The following DNAJC1 variants were observed in gnomAD, a reference collection of about 807,000 sequenced individuals.
DNAJC1 encodes dnaJ homolog subfamily C member 1.
DNAJC1 carries 58 observed loss-of-function variants against 76.6 expected under a neutral mutation model. The ratio of observed to expected loss-of-function variants is 0.76; its 90% confidence interval spans 0.61 to 0.94. DNAJC1 has a LOEUF of 0.94. DNAJC1 is among the 40% of genes least tolerant of loss of function. DNAJC1 has a pLI of 0.00. For missense variants in DNAJC1, 689 were observed against 677.3 expected, an observed-to-expected ratio of 1.02 and a Z score of -0.19; for synonymous variants, 258 against 267.9, an observed-to-expected ratio of 0.96 and a Z score of 0.36.
intron 8 of DNAJC1, among the ~76,000 whole-genome samples, chr10:21,844,376 G>A (rs980978390): frequency 2.6e-5 from 4 of 151,846 alleles, no homozygotes; most frequent in African/African-American, 9.7e-5. Flanking sequence ...CAAAATGTTG[G>A]GATTACAGGC....
chr10:21,868,982 G>A, intron 8 of DNAJC1, among the ~76,000 whole-genome samples: 1 of 152,080 alleles, frequency 6.6e-6, no homozygotes, highest in South Asian at 2.1e-4. Context: ...AAGGAACAGG[G>A]CTTAAAGGAA....
Position 21,756,671 on chromosome 10 carries a change from T to C in DNAJC1, c.*16A>G. 6.2e-7 allele frequency: 1 copy of C among 1,600,362 alleles called. No individual in the cohort carries two copies. The highest frequency in any genetic ancestry group is 1.1e-5 in the South Asian group (1 of 90,732). ...TCATTTTGGAAAATGAAGGTGAACA[T>C]CATCTCCCAGAATATTCAGCTTTTA... On this transcript the variant is annotated 3_prime_UTR_variant, in exon 12 of 12. Coordinates refer to ENST00000376980, the MANE Select transcript of DNAJC1 (RefSeq NM_022365.4).
intron 9 of DNAJC1, among the ~76,000 whole-genome samples, chr10:21,771,616 G>C (rs955512771): frequency 6.6e-6 from 1 of 152,090 alleles, no homozygotes; most frequent in Admixed American, 6.5e-5. Flanking sequence ...TCCTGCCTCA[G>C]CCTCCCGAGT....
At chr10:21,838,541 A>C (rs1357859395) in intron 8 of DNAJC1, among the ~76,000 whole-genome samples, 1 of 152,160 alleles carries the variant, frequency 6.6e-6, no homozygotes. Flanking sequence ...TCACTTGTTT[A>C]TCTGCTGACC....
At chr10:21,978,196 T>C (rs926579076) in intron 1 of DNAJC1, among the ~76,000 whole-genome samples, 1 of 152,152 alleles carries the variant, frequency 6.6e-6, no homozygotes, top group African/African-American at 2.4e-5. Context: ...AAAGTACTTA[T>C]GAACATAAAA....
intron 6 of DNAJC1, among the ~76,000 whole-genome samples, chr10:21,914,458 T>A (rs1836919735): frequency 6.6e-6 from 1 of 152,232 alleles, no homozygotes; most frequent in African/African-American, 2.4e-5. Flanking sequence ...TTATGTACTT[T>A]ATTTCTACCA....
chr10:21,919,700 AT>A, intron 5 of DNAJC1, 131 bp downstream of exon 5: 1 of 570,010 alleles, frequency 1.8e-6, no homozygotes, highest in Non-Finnish European at 2.9e-6. Flanking sequence ...ATGGCACATT[AT>A]TAGTCTTTTA....
intron 9 of DNAJC1, among the ~76,000 whole-genome samples, chr10:21,794,013 G>A (rs1034529036): frequency 6.6e-5 from 10 of 152,008 alleles, no homozygotes; most frequent in Admixed American, 2.0e-4. Flanking sequence ...GGTGGCTCAC[G>A]CCTGTAATCC....
intron 1 of DNAJC1, among the ~76,000 whole-genome samples, chr10:21,960,574 C>T (rs1354744530): frequency 6.6e-6 from 1 of 152,110 alleles, no homozygotes; most frequent in Non-Finnish European, 1.5e-5. Context: ...ATTAGCCAAG[C>T]ATGGTACTTG....
chr10:21,975,170 G>A (rs145675384), intron 1 of DNAJC1, among the ~76,000 whole-genome samples: 1 of 152,098 alleles, frequency 6.6e-6, no homozygotes, highest in African/African-American at 2.4e-5. Flanking sequence ...CTTTAAAATA[G>A]TTATTTGAAA....
At chr10:21,847,893 C>T (rs983326871) in intron 8 of DNAJC1, among the ~76,000 whole-genome samples, 2 of 152,066 alleles carry the variant, frequency 1.3e-5, no homozygotes, top group Admixed American at 1.3e-4. Flanking sequence ...GTTATCTTGG[C>T]TATTGTGAAT....
chr10:21,767,792 TCGAGAC>T (rs1428346293), intron 9 of DNAJC1, among the ~76,000 whole-genome samples: 1 of 152,062 alleles, frequency 6.6e-6, no homozygotes, highest in Non-Finnish European at 1.5e-5. Flanking sequence ...GGTCAGGAGT[TCGAGAC>T]CAGCCTGGTC....
At chr10:21,915,809 C>T (rs1836943318) in intron 6 of DNAJC1, among the ~76,000 whole-genome samples, 1 of 150,352 alleles carries the variant, frequency 6.7e-6, no homozygotes, top group Admixed American at 6.6e-5. Flanking sequence ...GTTAAAAATG[C>T]TGTTTTAATG....
At chr10:21,964,743 T>C (rs577295787) in intron 1 of DNAJC1, among the ~76,000 whole-genome samples, 28 of 152,064 alleles carry the variant, frequency 1.8e-4, no homozygotes, top group African/African-American at 6.3e-4. Flanking sequence ...TTTGTTGTTT[T>C]TCAGGAACTG....
intron 10 of DNAJC1, among the ~76,000 whole-genome samples, chr10:21,765,261 T>A (rs1316515971): frequency 6.6e-6 from 1 of 151,882 alleles, no homozygotes; most frequent in East Asian, 1.9e-4. Context: ...AAATGGGGGG[T>A]CTCACTATGT....
chr10:21,781,538 G>A (rs1183422888), intron 9 of DNAJC1, among the ~76,000 whole-genome samples: 4 of 151,818 alleles, frequency 2.6e-5, no homozygotes, highest in East Asian at 1.9e-4. Context: ...TGGCTAACAC[G>A]GTGAAACCCC....
chr10:21,766,577 A>G (rs1250025987), intron 9 of DNAJC1, among the ~76,000 whole-genome samples: 1 of 152,132 alleles, frequency 6.6e-6, no homozygotes, highest in Non-Finnish European at 1.5e-5. Context: ...TAGTTCAATG[A>G]CAGTTCCGTT....
At chr10:21,956,082 C>A (rs1407488752) in intron 1 of DNAJC1, among the ~76,000 whole-genome samples, 1 of 152,198 alleles carries the variant, frequency 6.6e-6, no homozygotes, top group Non-Finnish European at 1.5e-5. Flanking sequence ...TTATTTCTTA[C>A]AGCTCTGGAG....
intron 1 of DNAJC1, among the ~76,000 whole-genome samples, chr10:21,990,160 G>T (rs552786880): frequency 6.6e-6 from 1 of 152,142 alleles, no homozygotes; most frequent in South Asian, 2.1e-4. Flanking sequence ...TATCAAAGAT[G>T]GCATACAAGA....
Sources: allele counts gnomAD v4.1 joint callset (sites outside exome capture counted in the v4.1 genomes callset), GRCh38; gene constraint gnomAD v4.1.1; transcripts MANE v1.5; gene names NCBI Gene and HGNC (gene_info 2026-07-23, HGNC 2026-07-21).